Variants in NUP210L observed in about 807,000 individuals in gnomAD.
NUP210L encodes the protein nucleoporin 210 like, also known as nuclear pore membrane glycoprotein 210-like.
In NUP210L, 74 loss-of-function variants were observed where a neutral mutation model predicts 208.5. The observed-to-expected ratio is 0.35, with a 90% confidence interval of 0.29 to 0.43. The LOEUF (loss-of-function observed/expected upper bound fraction) is 0.43, where lower values mean the gene tolerates loss of function less well. Among genes scored for constraint, NUP210L ranks in the 20% least tolerant of loss-of-function variants. The pLI is 1.00. For missense variants in NUP210L, 1,843 were observed against 2,289.4 expected (o/e 0.81, Z 3.98); for synonymous variants, 780 against 816.9 (o/e 0.95, Z 0.77).
chr1:154,045,276 C>A (rs1653109559), intron 27 of NUP210L, among the ~76,000 whole-genome samples: 1 of 151,988 alleles, frequency 6.6e-6, no homozygotes. Context: ...CACCTACAGC[C>A]CTCTATATTT....
chr1:154,095,145 A>C, exon 15 of NUP210L: 1 of 1,612,160 alleles, frequency 6.2e-7, no homozygotes, highest in Non-Finnish European at 8.5e-7. Flanking sequence ...CCACTTCCAC[A>C]GGATTTAAAG....
intron 37 of NUP210L, among the ~76,000 whole-genome samples, chr1:153,997,174 G>A (rs1298082076): frequency 6.6e-6 from 1 of 151,522 alleles, no homozygotes; most frequent in Non-Finnish European, 1.5e-5. Context: ...ATGTTGGCCA[G>A]GATGGTCTCG....
chr1:154,007,735 G>A (rs1650646481), intron 35 of NUP210L, among the ~76,000 whole-genome samples: 2 of 151,626 alleles, frequency 1.3e-5, no homozygotes, highest in Non-Finnish European at 2.9e-5. Context: ...AACACGCCTG[G>A]CTAATTTTTT....
chr1:154,119,281 T>C (rs1657490253), intron 10 of NUP210L, among the ~76,000 whole-genome samples: 1 of 152,106 alleles, frequency 6.6e-6, no homozygotes, highest in African/African-American at 2.4e-5. Context: ...GAGGGCCAAC[T>C]TTTTGTGTAA....
At chr1:154,141,175 T>C (rs1414412551) in intron 4 of NUP210L, among the ~76,000 whole-genome samples, 1 of 152,130 alleles carries the variant, frequency 6.6e-6, no homozygotes, top group Non-Finnish European at 1.5e-5. Flanking sequence ...CCAGAAGATA[T>C]ACCTGGCTCA....
At chr1:154,018,961 A>C in exon 33 of NUP210L, 2 of 1,614,098 alleles carry the variant, frequency 1.2e-6, no homozygotes, top group Non-Finnish European at 1.7e-6. Context: ...TACTCCTGGG[A>C]TGTCATGAAA....
At position 154,152,732 on chromosome 1, in the gene NUP210L, A is replaced by C. The variant is rs770688281; in HGVS notation, c.340+4T>G. Reference sequence around the variant, plus strand: ...GATACATAGTGTTTTTGCTCTCAACATACCTATTTCTCGAGCAAGAATAAT... The same window carrying C: ...GATACATAGTGTTTTTGCTCTCAACCTACCTATTTCTCGAGCAAGAATAAT... On this transcript the variant is annotated splice_donor_region_variant and intron_variant, in intron 2 of 39. Coordinates refer to ENST00000368559, the Ensembl canonical transcript of NUP210L. 6 of 1,613,738 alleles carry C rather than the reference A, an allele frequency of 3.7e-6. No individual in the cohort carries two copies. Among genetic ancestry groups the C allele is most frequent in the Middle Eastern group, 1.7e-4 (1 of 6,060 alleles).
chr1:154,050,944 C>T (rs1653454591), intron 25 of NUP210L, among the ~76,000 whole-genome samples: 1 of 152,168 alleles, frequency 6.6e-6, no homozygotes, highest in African/African-American at 2.4e-5. Context: ...GAGGTATTGA[C>T]TGCTTTTGAT....
intron 17 of NUP210L, among the ~76,000 whole-genome samples, chr1:154,065,345 A>C (rs888919139): frequency 6.6e-6 from 1 of 151,706 alleles, no homozygotes; most frequent in African/African-American, 2.4e-5. Context: ...ACTTCAGTCC[A>C]AGAGTTTGAG....
chr1:154,154,738 C>G, intron 1 of NUP210L, 104 bp downstream of exon 1: 1 of 918,298 alleles, frequency 1.1e-6, no homozygotes, highest in East Asian at 2.5e-5. Flanking sequence ...GGCCCCTTCA[C>G]GCGGCCCCAC....
chr1:154,062,279 GC>G (rs1244176156), intron 17 of NUP210L, among the ~76,000 whole-genome samples: 2 of 152,086 alleles, frequency 1.3e-5, no homozygotes, highest in African/African-American at 4.8e-5. Context: ...CCAAAAATAG[GC>G]TGACAAGTGT....
intron 16 of NUP210L, among the ~76,000 whole-genome samples, chr1:154,085,828 T>C (rs1655595379): frequency 6.6e-6 from 1 of 152,138 alleles, no homozygotes. Flanking sequence ...GGTTAACAGA[T>C]TTGCAACAAG....
intron 16 of NUP210L, among the ~76,000 whole-genome samples, chr1:154,086,034 AAACCC>A (rs1287373135): frequency 6.6e-6 from 1 of 152,024 alleles, no homozygotes; most frequent in Non-Finnish European, 1.5e-5. Context: ...CAATATGGTG[AAACCC>A]TGTCTCTACT....
chr1:154,128,084 G>A (rs895956182), intron 8 of NUP210L, among the ~76,000 whole-genome samples: 6 of 150,094 alleles, frequency 4.0e-5, no homozygotes, highest in African/African-American at 1.2e-4. Flanking sequence ...CACTGGTCTC[G>A]AACTCCTCAG....
chr1:153,994,397 C>T (rs554578569), intron 38 of NUP210L, among the ~76,000 whole-genome samples: 15 of 152,058 alleles, frequency 9.9e-5, no homozygotes, highest in Non-Finnish European at 2.2e-4. Context: ...TCACTGCAAC[C>T]TGTGTCTCCC....
At chr1:153,992,901 G>T (rs754569633) in exon 40 of NUP210L, 1 of 1,613,628 alleles carries the variant, frequency 6.2e-7, no homozygotes, top group Non-Finnish European at 8.5e-7. Context: ...GTAGACTCAT[G>T]AAGTGAGGGG....
At chr1:154,038,533 C>T (rs538587953) in intron 27 of NUP210L, among the ~76,000 whole-genome samples, 4 of 151,902 alleles carry the variant, frequency 2.6e-5, no homozygotes, top group Non-Finnish European at 4.4e-5. Flanking sequence ...TTAGTAGAGA[C>T]GGGGTTTCAC....
intron 14 of NUP210L, among the ~76,000 whole-genome samples, chr1:154,098,900 G>A (rs1656316980): frequency 6.6e-6 from 1 of 152,212 alleles, no homozygotes; most frequent in South Asian, 2.1e-4. Flanking sequence ...GGCACCTGCG[G>A]GCCAGTGCCG....
chr1:154,101,160 G>A (rs1656452284), intron 13 of NUP210L, among the ~76,000 whole-genome samples: 1 of 97,896 alleles, frequency 1.0e-5, no homozygotes, highest in African/African-American at 4.1e-5. Context: ...CAACAAGAGT[G>A]AAACTCTGTC....
Sources: gnomAD v4.1 joint callset for allele counts (sites outside exome capture counted in the v4.1 genomes callset) on GRCh38, gnomAD v4.1.1 for gene constraint, MANE v1.5 for transcripts, NCBI Gene and HGNC (gene_info 2026-07-23, HGNC 2026-07-21) for gene names.